Variants in SGCZ observed in about 807,000 individuals in gnomAD.
The protein encoded by SGCZ is sarcoglycan zeta, also known as zeta-sarcoglycan.
In SGCZ, 40 loss-of-function variants were observed where a neutral mutation model predicts 41.3. That is an observed-to-expected ratio of 0.97 (90% CI 0.75 to 1.26). The LOEUF (loss-of-function observed/expected upper bound fraction) is 1.26, where lower values mean the gene tolerates loss of function less well. Among genes scored for constraint, SGCZ ranks in the 50% most tolerant of loss-of-function variants. The probability of loss-of-function intolerance (pLI) is 0.00; values close to 1 mark genes in which losing one functional copy is unlikely to be tolerated. For synonymous variants in SGCZ, 206 were observed against 137.5 expected, an observed-to-expected ratio of 1.50 and a Z score of -3.49; for missense variants, 552 against 369.8, an observed-to-expected ratio of 1.49 and a Z score of -4.04.
chr8:14,361,839 T>G (rs561990224), intron 2 of SGCZ, among the ~76,000 whole-genome samples: 169 of 152,338 alleles, frequency 1.1e-3, no homozygotes, highest in Non-Finnish European at 1.4e-3. Context: ...TGGTTCTTAA[T>G]GTTGGTGACC....
chr8:14,948,815 C>T (rs1298364366), intron 1 of SGCZ, among the ~76,000 whole-genome samples: 1 of 152,062 alleles, frequency 6.6e-6, no homozygotes, highest in East Asian at 1.9e-4. Context: ...GTTTTGCTTG[C>T]TTGCTGGTTT....
intron 1 of SGCZ, among the ~76,000 whole-genome samples, chr8:14,789,796 G>A (rs1369963558): frequency 6.6e-6 from 1 of 151,906 alleles, no homozygotes; most frequent in Non-Finnish European, 1.5e-5. Context: ...TGTACTCTCA[G>A]TACAAAATAA....
intron 1 of SGCZ, among the ~76,000 whole-genome samples, chr8:14,904,201 C>A (rs918898198): frequency 1.3e-5 from 2 of 152,016 alleles, no homozygotes; most frequent in Non-Finnish European, 2.9e-5. Flanking sequence ...CTGCTCACAG[C>A]TTTCTCTGAA....
chr8:14,105,946 C>CTTA (rs1802189897), intron 6 of SGCZ, among the ~76,000 whole-genome samples: 5 of 151,906 alleles, frequency 3.3e-5, no homozygotes, highest in Admixed American at 2.0e-4. Context: ...TTTAAAAATA[C>CTTA]TTCTATAAAT....
At chr8:15,079,904 C>T (rs1273542718) in intron 1 of SGCZ, among the ~76,000 whole-genome samples, 1 of 152,136 alleles carries the variant, frequency 6.6e-6, no homozygotes, top group Non-Finnish European at 1.5e-5. Flanking sequence ...CTTTTGGAAT[C>T]CCCAGTGTCC....
At chr8:14,886,873 T>A (rs1804826335) in intron 1 of SGCZ, among the ~76,000 whole-genome samples, 1 of 152,152 alleles carries the variant, frequency 6.6e-6, no homozygotes, top group East Asian at 1.9e-4. Flanking sequence ...GAGAGGCTAC[T>A]GCAATAAAAG....
chr8:14,333,728 A>G (rs17231904), intron 2 of SGCZ, among the ~76,000 whole-genome samples: 30,870 of 151,630 alleles, frequency 0.2, 3,849 homozygotes, highest in Non-Finnish European at 0.29. Flanking sequence ...GTGAAATAAT[A>G]CCCCTTTAAA....
At chr8:14,193,597 A>G (rs1805175190) in intron 4 of SGCZ, among the ~76,000 whole-genome samples, 1 of 152,120 alleles carries the variant, frequency 6.6e-6, no homozygotes, top group Admixed American at 6.5e-5. Flanking sequence ...TTTGCACATT[A>G]AAATTGTATT....
chr8:14,580,781 A>G (rs1804861966), intron 1 of SGCZ, among the ~76,000 whole-genome samples: 1 of 152,226 alleles, frequency 6.6e-6, no homozygotes, highest in African/African-American at 2.4e-5. Flanking sequence ...GAAAATGGAT[A>G]CTATCACATG....
At position 14,094,084 on chromosome 8, in the gene SGCZ, T is replaced by G. The variant is rs547542951; in HGVS notation, c.745-3447A>C. 7.2e-5 allele frequency among the ~76,000 whole-genome samples: 11 copies of G among 152,218 alleles called. No homozygotes were observed. In the East Asian group the frequency reaches 1.7e-3, roughly 24 times the overall value. On this transcript the variant is annotated intron_variant, in intron 7 of 7. Coordinates refer to ENST00000382080, the MANE Select transcript of SGCZ (RefSeq NM_139167.4). ...ACCTCCCAACAAAGCCCAGTTCATC[T>G]GTTTTCTCTTCCATATACCATTCCC...
At chr8:14,443,038 C>T (rs1452130557) in intron 2 of SGCZ, among the ~76,000 whole-genome samples, 1 of 152,130 alleles carries the variant, frequency 6.6e-6, no homozygotes. Flanking sequence ...AGAGCCAAAT[C>T]ATGAGTGAAC....
At chr8:14,394,781 A>G (rs1010108105) in intron 2 of SGCZ, among the ~76,000 whole-genome samples, 2 of 152,328 alleles carry the variant, frequency 1.3e-5, no homozygotes, top group East Asian at 3.9e-4. Context: ...ACAAAAAATC[A>G]TGAAGGTAAA....
intron 1 of SGCZ, among the ~76,000 whole-genome samples, chr8:14,641,641 A>G (rs1185057193): frequency 6.6e-6 from 1 of 151,644 alleles, no homozygotes; most frequent in Admixed American, 6.6e-5. Flanking sequence ...AGTCTCCAAA[A>G]CACAATCTTT....
intron 2 of SGCZ, among the ~76,000 whole-genome samples, chr8:14,462,977 C>A (rs760497888): frequency 6.6e-6 from 1 of 151,324 alleles, no homozygotes; most frequent in Non-Finnish European, 1.5e-5. Flanking sequence ...TTGTAACTTT[C>A]TTTTCAAATG....
chr8:14,281,094 A>C (rs752058651), intron 3 of SGCZ, among the ~76,000 whole-genome samples: 1 of 151,944 alleles, frequency 6.6e-6, no homozygotes, highest in Non-Finnish European at 1.5e-5. Context: ...AATGGAACAA[A>C]AAATGTTTCA....
intron 5 of SGCZ, among the ~76,000 whole-genome samples, chr8:14,135,626 G>T (rs1472464089): frequency 6.6e-6 from 1 of 152,110 alleles, no homozygotes; most frequent in African/African-American, 2.4e-5. Context: ...AATCTGAATA[G>T]TCCTGTAACT....
At chr8:14,584,997 T>G (rs999273972) in intron 1 of SGCZ, among the ~76,000 whole-genome samples, 1 of 152,122 alleles carries the variant, frequency 6.6e-6, no homozygotes. Context: ...AGGTACAACA[T>G]TGGGCTACAA....
intron 1 of SGCZ, among the ~76,000 whole-genome samples, chr8:15,048,828 G>C (rs1445699467): frequency 6.6e-6 from 1 of 151,986 alleles, no homozygotes; most frequent in Non-Finnish European, 1.5e-5. Context: ...CGTAAGAAAA[G>C]AGACTCTTCA....
chr8:14,258,008 G>C (rs933553722), intron 3 of SGCZ, among the ~76,000 whole-genome samples: 9 of 152,230 alleles, frequency 5.9e-5, no homozygotes, highest in African/African-American at 1.9e-4. Flanking sequence ...GGGGGAATTT[G>C]GTAGTTTGTT....
Sources: allele counts gnomAD v4.1 joint callset (sites outside exome capture counted in the v4.1 genomes callset), GRCh38; gene constraint gnomAD v4.1.1; transcripts MANE v1.5; gene names NCBI Gene and HGNC (gene_info 2026-07-23, HGNC 2026-07-21).